The following SNTG1 variants were observed in gnomAD, a reference collection of about 807,000 sequenced individuals.
SNTG1 encodes the protein gamma-1-syntrophin.
A neutral mutation model predicts 74.7 loss-of-function variants in SNTG1; 39 were observed. The ratio of observed to expected loss-of-function variants is 0.52; its 90% CI spans 0.40 to 0.68. The LOEUF (loss-of-function observed/expected upper bound fraction) is 0.68, where lower values mean the gene tolerates loss of function less well. Among genes scored for constraint, SNTG1 ranks in the 30% least tolerant of loss-of-function variants. The probability of loss-of-function intolerance (pLI) is 0.00; values close to 1 mark genes in which losing one functional copy is unlikely to be tolerated. For missense variants in SNTG1, 685 were observed against 609.5 expected (o/e 1.12, Z -1.30); for synonymous variants, 254 against 217.1 (o/e 1.17, Z -1.49).
intron 18 of SNTG1, among the ~76,000 whole-genome samples, chr8:50,776,562 T>C (rs2095641512): frequency 6.7e-6 from 1 of 149,330 alleles, no homozygotes; most frequent in South Asian, 2.1e-4. Context: ...TTTTAAAATA[T>C]TTCATTTACA....
rs982210700 is a variant in SNTG1, at chr8:50,713,733, T to C, written c.1284+4755T>C. On this transcript the variant is annotated intron_variant, in intron 17 of 18. Coordinates refer to ENST00000642720, the MANE Select transcript of SNTG1 (RefSeq NM_018967.5). ...GGGTCCAGTTTCAGTTTCATGCATATGGCTAGCCAGTTTTCCCAGCACCAT... is the reference window on the plus strand; with the variant it reads ...GGGTCCAGTTTCAGTTTCATGCATACGGCTAGCCAGTTTTCCCAGCACCAT... Among the ~76,000 whole-genome samples the C allele has an allele frequency of 1.0e-3, 159 of 152,252 alleles. 2 individuals carry two copies. The highest frequency in any genetic ancestry group is 2.5e-4 in the Non-Finnish European group (17 of 68,014).
At chr8:50,383,931 C>A (rs2092532057) in intron 2 of SNTG1, among the ~76,000 whole-genome samples, 1 of 152,120 alleles carries the variant, frequency 6.6e-6, no homozygotes, top group Non-Finnish European at 1.5e-5. Context: ...ACTTCCAATT[C>A]AATGAAATCA....
chr8:50,196,811 A>AG (rs1371938836), intron 2 of SNTG1, among the ~76,000 whole-genome samples: 1 of 151,574 alleles, frequency 6.6e-6, no homozygotes, highest in East Asian at 1.9e-4. Context: ...ACAAAAAAAA[A>AG]AAAACAAAAA....
chr8:50,446,098 A>G (rs770872651), intron 5 of SNTG1, among the ~76,000 whole-genome samples: 2 of 152,174 alleles, frequency 1.3e-5, no homozygotes, highest in Non-Finnish European at 2.9e-5. Context: ...AAAGGTTCTC[A>G]TTATTATTCA....
rs758209686 is a variant in SNTG1 at position 50,792,881 on chromosome 8, T to G, written c.*52T>G. ...CCATGACTGTATAAGCAGGACACATTTACTCATCATTTTAGACCCTAGAGA... is the reference window on the plus strand; with the variant it reads ...CCATGACTGTATAAGCAGGACACATGTACTCATCATTTTAGACCCTAGAGA... On this transcript the variant is annotated 3_prime_UTR_variant, in exon 19 of 19. Transcript: ENST00000642720. 2 of 1,515,124 alleles carry G rather than the reference T, an allele frequency of 1.3e-6. No individual in the cohort carries two copies. Among genetic ancestry groups the G allele is most frequent in the East Asian group, 4.7e-5 (2 of 42,456 alleles). 93.9% of individuals were successfully genotyped at this position (1,515,124 alleles called of 1,614,324 possible).
intron 2 of SNTG1, among the ~76,000 whole-genome samples, chr8:50,308,483 G>A (rs1053734652): frequency 3.3e-5 from 5 of 151,756 alleles, no homozygotes; most frequent in Non-Finnish European, 7.4e-5. Context: ...TGTTGTAGAT[G>A]TTGCCCATAT....
intron 1 of SNTG1, among the ~76,000 whole-genome samples, chr8:50,058,313 T>C (rs1266458668): frequency 1.3e-5 from 2 of 152,118 alleles, no homozygotes; most frequent in African/African-American, 4.8e-5. Context: ...AACAGACAGA[T>C]GAGATTGTTT....
chr8:50,244,514 CA>C (rs2086304462), intron 2 of SNTG1, among the ~76,000 whole-genome samples: 1 of 152,042 alleles, frequency 6.6e-6, no homozygotes, highest in Non-Finnish European at 1.5e-5. Context: ...CATCTGATTC[CA>C]AAAGTCTGTG....
At chr8:50,502,097 C>T (rs2093964309) in intron 8 of SNTG1, among the ~76,000 whole-genome samples, 1 of 151,894 alleles carries the variant, frequency 6.6e-6, no homozygotes, top group Admixed American at 6.6e-5. Flanking sequence ...CTTACTAATT[C>T]TGTATTTTAA....
At chr8:49,927,647 A>G (rs1298071505) in intron 1 of SNTG1, among the ~76,000 whole-genome samples, 1 of 152,184 alleles carries the variant, frequency 6.6e-6, no homozygotes, top group Non-Finnish European at 1.5e-5. Flanking sequence ...AAATATAAAA[A>G]TCATAATAAA....
Position 50,615,010 on chromosome 8 carries a change from T to C in SNTG1, c.849+24093T>C, listed in dbSNP as rs1024455993. 6.0e-5 allele frequency among the ~76,000 whole-genome samples: 9 copies of C among 150,544 alleles called. 1 individual carries two copies. Among genetic ancestry groups the C allele is most frequent in the African/African-American group, 2.0e-4 (8 of 40,924 alleles). On this transcript the variant is annotated intron_variant, in intron 13 of 18. Transcript: ENST00000642720. ...CAGGCTGGAGTACAGTGGTGCGACC[T>C]CGGCTCACTCCAAGCTCTGCCTCCT...
chr8:50,040,359 C>T (rs1818529666), intron 1 of SNTG1, among the ~76,000 whole-genome samples: 1 of 152,038 alleles, frequency 6.6e-6, no homozygotes, highest in Admixed American at 6.5e-5. Context: ...TGTTATAAAA[C>T]TTATAGCGTG....
At chr8:50,448,957 G>A (rs1427388428) in intron 5 of SNTG1, among the ~76,000 whole-genome samples, 1 of 152,158 alleles carries the variant, frequency 6.6e-6, no homozygotes, top group Non-Finnish European at 1.5e-5. Context: ...GAACCCGGCA[G>A]GTGGAGGTTG....
chr8:50,537,151 G>T (rs2094314178), intron 11 of SNTG1, among the ~76,000 whole-genome samples: 2 of 152,194 alleles, frequency 1.3e-5, no homozygotes, highest in South Asian at 4.1e-4. Context: ...TTGAGGCAAG[G>T]TCTAGCTCTG....
intron 4 of SNTG1, among the ~76,000 whole-genome samples, chr8:50,418,439 A>G (rs773538522): frequency 6.6e-6 from 1 of 151,782 alleles, no homozygotes; most frequent in Non-Finnish European, 1.5e-5. Flanking sequence ...CTTCATTTCC[A>G]TCTATAGGCA....
At chr8:50,703,561 A>C (rs574113753) in intron 15 of SNTG1, among the ~76,000 whole-genome samples, 19 of 152,186 alleles carry the variant, frequency 1.2e-4, no homozygotes, top group African/African-American at 4.3e-4. Flanking sequence ...GAGTACACTA[A>C]AAAAATAGGA....
chr8:49,963,116 C>G (rs1199545091), intron 1 of SNTG1, among the ~76,000 whole-genome samples: 1 of 152,232 alleles, frequency 6.6e-6, no homozygotes, highest in Non-Finnish European at 1.5e-5. Flanking sequence ...TAAAGGAATA[C>G]ATGAGTGGAT....
intron 1 of SNTG1, among the ~76,000 whole-genome samples, chr8:50,079,292 C>T (rs1320774192): frequency 2.0e-5 from 3 of 152,180 alleles, no homozygotes; most frequent in Admixed American, 2.0e-4. Flanking sequence ...TCTTGATTTG[C>T]ATTTCTCTAA....
At chr8:50,400,992 T>A (rs1334003230) in intron 3 of SNTG1, among the ~76,000 whole-genome samples, 2 of 152,176 alleles carry the variant, frequency 1.3e-5, no homozygotes, top group African/African-American at 4.8e-5. Flanking sequence ...TTTAAAGTGA[T>A]GTATATGCTA....
Sources: allele counts gnomAD v4.1 joint callset (sites outside exome capture counted in the v4.1 genomes callset), GRCh38; gene constraint gnomAD v4.1.1; transcripts MANE v1.5; gene names NCBI Gene and HGNC (gene_info 2026-07-23, HGNC 2026-07-21).